Variants in PGBD5 observed in about 807,000 individuals in gnomAD.
PGBD5 encodes the protein piggyBac transposable element derived 5.
A neutral mutation model predicts 47.9 loss-of-function variants in PGBD5; 14 were observed. The observed-to-expected ratio is 0.29, with a 90% CI of 0.19 to 0.46. The LOEUF (loss-of-function observed/expected upper bound fraction) is 0.46. Ranked by LOEUF, PGBD5 falls within the 20% of genes least tolerant of loss-of-function variation. PGBD5 has a pLI of 1.00. For synonymous variants in PGBD5, 316 were observed against 306.3 expected, an observed-to-expected ratio of 1.03 and a Z score of -0.33; for missense variants, 635 against 716.0, an observed-to-expected ratio of 0.89 and a Z score of 1.29.
intron 1 of PGBD5, among the ~76,000 whole-genome samples, chr1:230,395,155 A>T (rs952318315): frequency 1.6e-4 from 2 of 12,810 alleles, no homozygotes; most frequent in Non-Finnish European, 1.3e-4. Flanking sequence ...CTCCTCTCCC[A>T]CCCTCCTCCC....
Position 230,323,402 on chromosome 1 carries a change from G to T in PGBD5, c.*23C>A. 2 of 1,604,772 alleles carry T rather than the reference G, an allele frequency of 1.2e-6. No homozygotes were observed. Among genetic ancestry groups the T allele is most frequent in the South Asian group, 2.2e-5 (2 of 89,384 alleles). The stretch of plus-strand genomic sequence containing the variant: ...CTCCTCCTCCTCTTGCCCCTCCCTT[G>T]ACCGAGTCCTGCGCCCCCAGCATCA... On this transcript the variant is annotated 3_prime_UTR_variant, in exon 7 of 7. Transcript: ENST00000391860. This position sits in a 1 kb window ranked among gnomAD's most constrained non-coding sequence, Gnocchi z 4.1.
chr1:230,333,505 CAA>C (rs1667256186), intron 4 of PGBD5, among the ~76,000 whole-genome samples: 1 of 152,146 alleles, frequency 6.6e-6, no homozygotes, highest in South Asian at 2.1e-4. Flanking sequence ...GCTGGGAGGG[CAA>C]AGACAGGCAT....
At chr1:230,348,583 G>A (rs1259828138) in intron 3 of PGBD5, among the ~76,000 whole-genome samples, 1 of 152,236 alleles carries the variant, frequency 6.6e-6, no homozygotes, top group South Asian at 2.1e-4. Flanking sequence ...CCCCAGGGCT[G>A]TGCTTGCCCA....
intron 1 of PGBD5, among the ~76,000 whole-genome samples, chr1:230,418,689 T>C (rs1045195816): frequency 6.6e-6 from 1 of 152,170 alleles, no homozygotes; most frequent in Non-Finnish European, 1.5e-5. Flanking sequence ...GGGCTCTCTT[T>C]GTGTTTCCCA....
chr1:230,323,384 T>C lies in PGBD5; in HGVS notation c.*41A>G, dbSNP rs533011729. 6.3e-7 allele frequency: 1 copy of C among 1,584,478 alleles called. No individual in the cohort carries two copies. Among genetic ancestry groups the C allele is most frequent in the East Asian group, 2.2e-5 (1 of 44,702 alleles). ...AAGTTGGAACGGCAGGCTCTCCTCC[T>C]CCTCTTGCCCCTCCCTTGACCGAGT... On this transcript the variant is annotated 3_prime_UTR_variant, in exon 7 of 7. Coordinates refer to ENST00000391860, the MANE Select transcript of PGBD5 (RefSeq NM_001258311.2). This position sits in a 1 kb window ranked among gnomAD's most constrained non-coding sequence, Gnocchi z 4.1.
intron 1 of PGBD5, chr1:230,367,816 A>C: frequency 9.1e-7 from 1 of 1,104,528 alleles, no homozygotes; most frequent in Non-Finnish European, 1.2e-6. Context: ...TCATCATATC[A>C]ACCACTACAA....
At chr1:230,359,740 G>A (rs1428771163) in intron 1 of PGBD5, among the ~76,000 whole-genome samples, 1 of 152,204 alleles carries the variant, frequency 6.6e-6, no homozygotes, top group Non-Finnish European at 1.5e-5. Flanking sequence ...CCTGAGGCTT[G>A]GTAACTTTTA....
In PGBD5 at chr1:230,351,023, T is replaced by G. The variant is rs1463540046; in HGVS notation, c.829A>C (p.Lys277Gln). 2 of 1,613,982 alleles carry G rather than the reference T, an allele frequency of 1.2e-6. No individual in the cohort carries two copies. The highest frequency in any genetic ancestry group is 2.7e-5 in the African/African-American group (2 of 74,920). Residue 277 changes from lysine (K) to glutamine (Q), a missense_variant, in exon 3 of 7, where the codon AAG (lysine) becomes CAG (glutamine). Coordinates refer to ENST00000391860, the MANE Select transcript of PGBD5 (RefSeq NM_001258311.2). ...IATCTERELR[K>Q]RKKRKFSLWV... is the part of the protein sequence containing the mutation. ...AGGCTGAATTTCCGCTTTTTCCTCTTTCGCAGCTCCCGCTCTGTGCACGTG... is the reference window on the plus strand; with the variant it reads ...AGGCTGAATTTCCGCTTTTTCCTCTGTCGCAGCTCCCGCTCTGTGCACGTG...
Position 230,323,275 on chromosome 1 carries a change from GTCCATCCTGTCCC to G in PGBD5, c.*137_*149del. ...AGGACAGCAACCGTCCTCTGACCAG[GTCCATCCTGTCCC>G]TCCAGAGGCCCTGTGCATCCCTCCC... On this transcript the variant is annotated 3_prime_UTR_variant, in exon 7 of 7. Transcript: ENST00000391860. The surrounding 1 kb of genome is among the most constrained non-coding windows in gnomAD (Gnocchi z 4.1). 1 of 826,456 alleles carries G rather than the reference GTCCATCCTGTCCC, an allele frequency of 1.2e-6. No homozygotes were observed. Among genetic ancestry groups the G allele is most frequent in the Non-Finnish European group, 1.9e-6 (1 of 539,598 alleles). 51.2% of individuals were successfully genotyped at this position (826,456 alleles called of 1,614,324 possible).
rs930104910 is a variant in PGBD5, at chr1:230,322,752, G to C, written c.*673C>G. The C allele has an allele frequency of 6.5e-6, 1 of 152,786 alleles. No individual in the cohort carries two copies. The highest frequency in any genetic ancestry group is 1.5e-5 in the Non-Finnish European group (1 of 68,050). 9.5% of individuals were successfully genotyped at this position (152,786 alleles called of 1,614,324 possible). A position where few individuals can be genotyped will look rare whatever the true frequency, so the allele number is the denominator to read the frequency against. Reference sequence around the variant, plus strand: ...AAGATATATTTAAAAATAAAAAATAGCATCATCCTTCACTCCAAGTTTTTG... The same window carrying C: ...AAGATATATTTAAAAATAAAAAATACCATCATCCTTCACTCCAAGTTTTTG... On this transcript the variant is annotated 3_prime_UTR_variant, in exon 7 of 7. Coordinates refer to ENST00000391860, the MANE Select transcript of PGBD5 (RefSeq NM_001258311.2). This position sits in a 1 kb window ranked among gnomAD's most constrained non-coding sequence, Gnocchi z 5.9.
chr1:230,346,039 T>TA (rs1667468756), intron 3 of PGBD5, among the ~76,000 whole-genome samples: 1 of 152,094 alleles, frequency 6.6e-6, no homozygotes, highest in Non-Finnish European at 1.5e-5. Flanking sequence ...ATTTTTGACT[T>TA]AAGATATTTT....
chr1:230,367,651 CT>C (rs1667858423), intron 1 of PGBD5, among the ~76,000 whole-genome samples: 1 of 152,178 alleles, frequency 6.6e-6, no homozygotes, highest in South Asian at 2.1e-4. Flanking sequence ...TGAACCACGA[CT>C]GCGTCACTGC....
chr1:230,350,303 G>C (rs530722509), intron 3 of PGBD5, among the ~76,000 whole-genome samples: 2 of 152,188 alleles, frequency 1.3e-5, no homozygotes, highest in African/African-American at 4.8e-5. Flanking sequence ...GTACCCTACT[G>C]CTCCTGGCAG....
At chr1:230,354,162 T>A (rs1667600778) in intron 2 of PGBD5, among the ~76,000 whole-genome samples, 1 of 152,134 alleles carries the variant, frequency 6.6e-6, no homozygotes, top group Admixed American at 6.5e-5. Context: ...CCAACCGTAC[T>A]CTGTGGTTAT....
At chr1:230,423,122 A>G (rs750412407) in intron 1 of PGBD5, among the ~76,000 whole-genome samples, 1 of 152,160 alleles carries the variant, frequency 6.6e-6, no homozygotes, top group South Asian at 2.1e-4. Context: ...TCCATAAAAC[A>G]CATTTATGTA....
intron 1 of PGBD5, among the ~76,000 whole-genome samples, chr1:230,402,381 T>C (rs1657157496): frequency 6.6e-6 from 1 of 152,156 alleles, no homozygotes; most frequent in Non-Finnish European, 1.5e-5. Flanking sequence ...AGAAGCTATC[T>C]CTACAGACCC....
chr1:230,396,128 T>A (rs1446673691), intron 1 of PGBD5, among the ~76,000 whole-genome samples: 1 of 139,378 alleles, frequency 7.2e-6, no homozygotes, highest in Non-Finnish European at 1.6e-5. Context: ...TCTCCTCCCC[T>A]TTACCCCCCA....
chr1:230,365,629 GACC>G lies in PGBD5; in HGVS notation c.332-8311_332-8309del, dbSNP rs1410744235. Among the ~76,000 whole-genome samples, 3 of 152,316 alleles carry G rather than the reference GACC, an allele frequency of 2.0e-5. No individual in the cohort carries two copies. The East Asian group carries it at 5.8e-4, about 29-fold the overall frequency. On this transcript the variant is annotated intron_variant, in intron 1 of 6. Coordinates refer to ENST00000391860, the MANE Select transcript of PGBD5 (RefSeq NM_001258311.2). ...TGCTCTGCTAGGCAGAGGTGGGCTT[GACC>G]ATCTCTGAGGGCACGAAGTCAACCA... is the stretch of plus-strand genomic sequence containing the variant.
At chr1:230,411,441 G>A (rs1657407671) in intron 1 of PGBD5, among the ~76,000 whole-genome samples, 1 of 152,124 alleles carries the variant, frequency 6.6e-6, no homozygotes, top group South Asian at 2.1e-4. Context: ...GAAAGCCTTA[G>A]AATAAACAAA....
Sources: allele counts gnomAD v4.1 joint callset (sites outside exome capture counted in the v4.1 genomes callset), GRCh38; gene constraint gnomAD v4.1.1; non-coding constraint Gnocchi (gnomAD v3.1); transcripts MANE v1.5; gene names NCBI Gene and HGNC (gene_info 2026-07-23, HGNC 2026-07-21).